MKRN1: variants seen among roughly 807,000 people sequenced by gnomAD.
MKRN1 encodes makorin ring finger protein 1.
A neutral mutation model predicts 55.5 loss-of-function variants in MKRN1; 9 were observed. That is an observed-to-expected ratio of 0.16 (90% CI 0.10 to 0.28). The LOEUF is 0.28. Ranked by LOEUF, MKRN1 falls within the 10% of genes least tolerant of loss-of-function variation. The pLI is 1.00. For missense variants in MKRN1, 488 were observed against 626.7 expected, an observed-to-expected ratio of 0.78 and a Z score of 2.36; for synonymous variants, 253 against 235.9, an observed-to-expected ratio of 1.07 and a Z score of -0.66.
rs762542342 is a variant in MKRN1 at position 140,459,840 on chromosome 7, T to C, written c.411A>G (p.Ile137Met). The change falls in exon 3 of 8, where the codon ATA (isoleucine) becomes ATG (methionine). Residue 137 changes from isoleucine (I) to methionine (M), a missense_variant. Ile to Met is a conservative substitution (Grantham distance 10, BLOSUM62 1). Around this residue, in one of 2 missense-constraint regions of MKRN1, gnomAD observed 210 missense variants for 220.0 expected, o/e 0.95. Coordinates refer to ENST00000255977, the MANE Select transcript of MKRN1 (RefSeq NM_013446.4). Reference sequence around the variant, plus strand: ...TATTCATTTCAACAAGTGGTCCAACTATCGATGAGAGACTTGAGGAAGCAG... The same window carrying C: ...TATTCATTTCAACAAGTGGTCCAACCATCGATGAGAGACTTGAGGAAGCAG... Reference protein sequence around the residue: ...SLAASSSLSSIVGPLVEMNTG... With the variant: ...SLAASSSLSSMVGPLVEMNTG... 1 of 1,613,982 alleles carries C rather than the reference T, an allele frequency of 6.2e-7. No homozygotes were observed. Among genetic ancestry groups the C allele is most frequent in the East Asian group, 2.2e-5 (1 of 44,884 alleles).
chr7:140,470,886 C>T (rs1794903819), intron 2 of MKRN1, among the ~76,000 whole-genome samples: 1 of 152,134 alleles, frequency 6.6e-6, no homozygotes, highest in Non-Finnish European at 1.5e-5. Flanking sequence ...CACTGCACTC[C>T]AGCCTGGGCA....
rs893783011 is a variant in MKRN1 at position 140,459,809 on chromosome 7, C to T, written c.442G>A (p.Glu148Lys). Residue 148 changes from glutamate to lysine, a missense_variant, in exon 3 of 8, where the codon GAA becomes AAA. By Grantham distance (56) the Glu-to-Lys change is moderately conservative. Transcript: ENST00000255977. ...VGPLVEMNTG[E>K]AESRNSNFAT... is the part of the protein sequence containing the mutation. Reference sequence around the variant, plus strand: ...AAGTTTGAATTTCTTGACTCAGCTTCGCCTGTATTCATTTCAACAAGTGGT... The same window carrying T: ...AAGTTTGAATTTCTTGACTCAGCTTTGCCTGTATTCATTTCAACAAGTGGT... 4.3e-6 allele frequency: 7 copies of T among 1,613,952 alleles called. No individual in the cohort carries two copies. Among genetic ancestry groups the T allele is most frequent in the East Asian group, 2.2e-5 (1 of 44,894 alleles).
At chr7:140,465,847 C>T (rs550288356) in intron 2 of MKRN1, among the ~76,000 whole-genome samples, 27 of 151,822 alleles carry the variant, frequency 1.8e-4, no homozygotes, top group Non-Finnish European at 3.7e-4. Context: ...TTTGGGAGGC[C>T]GAGGTGGGCG....
chr7:140,473,028 T>C (rs1354529528), intron 1 of MKRN1, among the ~76,000 whole-genome samples: 3 of 151,286 alleles, frequency 2.0e-5, no homozygotes, highest in Admixed American at 6.6e-5. Context: ...GAGGCAGGGA[T>C]TGCAGTGAGC....
chr7:140,466,530 C>A, intron 2 of MKRN1, among the ~76,000 whole-genome samples: 1 of 152,044 alleles, frequency 6.6e-6, no homozygotes. Flanking sequence ...TAAGGCCGGG[C>A]GCGGTGGCTC....
At position 140,455,609 on chromosome 7, in the gene MKRN1, C is replaced by T. The variant is rs542210367; in HGVS notation, c.1097+181G>A. On this transcript the variant is annotated intron_variant, in intron 6 of 7. Transcript: ENST00000255977. ...ATAACACAGTCCCTTGGCATGGACC[C>T]CAAGGACTGTGTTATAGCAAGATAT... 9 of 593,564 alleles carry T rather than the reference C, an allele frequency of 1.5e-5. No homozygotes were observed. In the African/African-American group the frequency reaches 1.7e-4, roughly 11 times the overall value. The allele number at this position is 593,564 out of a possible 1,614,324, so 36.8% of individuals were successfully genotyped here. A position where few individuals can be genotyped will look rare whatever the true frequency, so the allele number is the denominator to read the frequency against.
Position 140,474,001 on chromosome 7 carries a change from AAAAAAAAG to A in MKRN1, c.186-1998_186-1991del, listed in dbSNP as rs1215815161. 2.1e-3 allele frequency among the ~76,000 whole-genome samples: 217 copies of A among 103,282 alleles called. 1 individual carries two copies. The highest frequency in any genetic ancestry group is 0.017 in the Admixed American group (170 of 10,070). The allele number at this position is 103,282 out of a possible 152,430, so 67.8% of individuals were successfully genotyped here. ...CAGCGAAACTCCGTCTCAAAAAAAAAAAAAAAAGAAAGAAAGAAAGAAAGAAAGAAAGA... is the reference window on the plus strand; with the variant it reads ...CAGCGAAACTCCGTCTCAAAAAAAAAAAAGAAAGAAAGAAAGAAAGAAAGA... On this transcript the variant is annotated intron_variant, in intron 1 of 7. Coordinates refer to ENST00000255977, the MANE Select transcript of MKRN1 (RefSeq NM_013446.4).
Position 140,463,698 on chromosome 7 carries a change from A to G in MKRN1, c.315-3762T>C, listed in dbSNP as rs1002910241. Among the ~76,000 whole-genome samples, 56 of 152,144 alleles carry G rather than the reference A, an allele frequency of 3.7e-4. No homozygotes were observed. The Middle Eastern group carries it at 0.01, about 28-fold the overall frequency. On this transcript the variant is annotated intron_variant, in intron 2 of 7. Coordinates refer to ENST00000255977, the MANE Select transcript of MKRN1 (RefSeq NM_013446.4). ...CAGGAGATGGAGACCATCCTGGCTA[A>G]CACGGTGAAACCTCGTCTCTACTAA...
chr7:140,459,250 G>T lies in MKRN1; in HGVS notation c.545-17C>A. On this transcript the variant is annotated splice_polypyrimidine_tract_variant and intron_variant, in intron 3 of 7. Coordinates refer to ENST00000255977, the MANE Select transcript of MKRN1 (RefSeq NM_013446.4). ...AAGGCGCAGCTGAAAATGTGTAAGA[G>T]GGTGGTAAAGGTCCAAATAGATAAG... 6.2e-7 allele frequency: 1 copy of T among 1,611,784 alleles called. No homozygotes were observed. Among genetic ancestry groups the T allele is most frequent in the South Asian group, 1.1e-5 (1 of 90,968 alleles).
intron 2 of MKRN1, among the ~76,000 whole-genome samples, chr7:140,467,831 C>T (rs867356813): frequency 1.6e-4 from 25 of 151,672 alleles, no homozygotes; most frequent in Non-Finnish European, 2.7e-4. Flanking sequence ...GGAGAAACCC[C>T]GCCTCTACTA....
At chr7:140,465,540 CTG>C (rs1366086576) in intron 2 of MKRN1, among the ~76,000 whole-genome samples, 1 of 150,426 alleles carries the variant, frequency 6.6e-6, no homozygotes, top group African/African-American at 2.5e-5. Flanking sequence ...GAAACAAAGA[CTG>C]GGAGTTCTAA....
rs1209809208 is a variant in MKRN1, at chr7:140,453,398, AC to A, written c.*1118del. 6.6e-6 allele frequency: 1 copy of A among 152,608 alleles called. No individual in the cohort carries two copies. Among genetic ancestry groups the A allele is most frequent in the Non-Finnish European group, 1.5e-5 (1 of 68,032 alleles). The allele number at this position is 152,608 out of a possible 1,614,324, so 9.5% of individuals were successfully genotyped here. On this transcript the variant is annotated 3_prime_UTR_variant, in exon 8 of 8. Transcript: ENST00000255977. ...ACACCTTAGAACAGAGTTTTGAATCACGTCTGTCTACCTGAAAGCTCAGGGG... is the reference window on the plus strand; with the variant it reads ...ACACCTTAGAACAGAGTTTTGAATCAGTCTGTCTACCTGAAAGCTCAGGGG...
chr7:140,474,492 C>CG, intron 1 of MKRN1: 1 of 268,006 alleles, frequency 3.7e-6, no homozygotes, highest in Non-Finnish European at 7.7e-6. Context: ...GACTCCGTCT[C>CG]AAAAAAAAAA....
At chr7:140,458,037 T>C (rs1291611819) in intron 4 of MKRN1, among the ~76,000 whole-genome samples, 2 of 152,202 alleles carry the variant, frequency 1.3e-5, no homozygotes, top group African/African-American at 2.4e-5. Flanking sequence ...TAACACAATG[T>C]CTTCTGAACC....
chr7:140,465,742 C>A (rs575806620), intron 2 of MKRN1, among the ~76,000 whole-genome samples: 1 of 152,266 alleles, frequency 6.6e-6, no homozygotes, highest in South Asian at 2.1e-4. Flanking sequence ...AGAGGGAAAT[C>A]CCTGGGCTTT....
At chr7:140,457,565 A>G (rs1381521767) in intron 4 of MKRN1, among the ~76,000 whole-genome samples, 1 of 152,126 alleles carries the variant, frequency 6.6e-6, no homozygotes, top group Admixed American at 6.6e-5. Context: ...CCCCATCTCT[A>G]CTAAAAATAC....
intron 1 of MKRN1, chr7:140,478,062 C>A (rs1212920700): frequency 2.0e-5 from 3 of 152,186 alleles, no homozygotes; most frequent in Non-Finnish European, 4.4e-5. Context: ...AAATGTATCA[C>A]ATCAAAGACT....
At chr7:140,475,159 T>C (rs1234187987) in intron 1 of MKRN1, 20 of 368,588 alleles carry the variant, frequency 5.4e-5, no homozygotes, top group South Asian at 3.8e-5. Flanking sequence ...CTGGGCAACA[T>C]GGTGAAACCC....
At chr7:140,477,953 A>C (rs550850645) in intron 1 of MKRN1, among the ~76,000 whole-genome samples, 1 of 152,332 alleles carries the variant, frequency 6.6e-6, no homozygotes, top group South Asian at 2.1e-4. Context: ...AATTGCGTTT[A>C]TGCTTTCTAC....
Sources: allele counts gnomAD v4.1 joint callset (sites outside exome capture counted in the v4.1 genomes callset), GRCh38; gene constraint gnomAD v4.1.1; regional missense constraint gnomAD v4.1.1; transcripts MANE v1.5; gene names NCBI Gene and HGNC (gene_info 2026-07-23, HGNC 2026-07-21).